CACNB2: variants seen among roughly 807,000 people sequenced by gnomAD.
CACNB2 encodes the protein calcium voltage-gated channel auxiliary subunit beta 2.
In CACNB2, 42 loss-of-function variants were observed where a neutral mutation model predicts 73.3. The observed-to-expected ratio is 0.57, with a 90% CI of 0.45 to 0.74. The LOEUF (loss-of-function observed/expected upper bound fraction) is 0.74, where lower values mean the gene tolerates loss of function less well. CACNB2 is among the 30% of genes least tolerant of loss of function. The pLI is 0.00. For missense variants in CACNB2, 940 were observed against 853.0 expected (o/e 1.10, Z -1.27); for synonymous variants, 348 against 310.3 (o/e 1.12, Z -1.28).
chr10:18,404,799 A>C (rs1480361472), intron 3 of CACNB2, among the ~76,000 whole-genome samples: 4 of 152,214 alleles, frequency 2.6e-5, no homozygotes. Context: ...TGACCTACAA[A>C]AGGTTATATA....
At chr10:18,391,895 T>G (rs1589224095) in intron 2 of CACNB2, among the ~76,000 whole-genome samples, 2 of 119,510 alleles carry the variant, frequency 1.7e-5, no homozygotes, top group Non-Finnish European at 3.2e-5. Flanking sequence ...GCCACTGCAC[T>G]CCAGCCTGAG....
At chr10:18,281,202 G>A (rs149958995) in intron 2 of CACNB2, among the ~76,000 whole-genome samples, 115 of 152,240 alleles carry the variant, frequency 7.6e-4, no homozygotes, top group African/African-American at 2.4e-3. Context: ...AGGATAAAGC[G>A]TGCCTCAAGC....
intron 2 of CACNB2, among the ~76,000 whole-genome samples, chr10:18,363,316 A>G (rs561458477): frequency 1.8e-3 from 271 of 152,252 alleles, no homozygotes; most frequent in African/African-American, 5.9e-3. Flanking sequence ...CATAACACCT[A>G]TGGTTTCTGT....
chr10:18,353,127 C>G (rs1165805516), intron 2 of CACNB2, among the ~76,000 whole-genome samples: 1 of 151,996 alleles, frequency 6.6e-6, no homozygotes, highest in Non-Finnish European at 1.5e-5. Flanking sequence ...ATTTATGGTT[C>G]TATGCCAGGT....
chr10:18,295,755 C>T (rs1277655903), intron 2 of CACNB2, among the ~76,000 whole-genome samples: 2 of 152,074 alleles, frequency 1.3e-5, no homozygotes, highest in Non-Finnish European at 2.9e-5. Flanking sequence ...ATACTCCTAG[C>T]AAATACATTA....
intron 3 of CACNB2, among the ~76,000 whole-genome samples, chr10:18,486,588 G>C (rs1262166047): frequency 6.6e-6 from 1 of 152,174 alleles, no homozygotes; most frequent in Non-Finnish European, 1.5e-5. Context: ...CGGCCAAAAA[G>C]CTGTCCACTA....
Position 18,506,537 on chromosome 10 carries a change from T to A in CACNB2, c.660T>A (p.Pro220=). 6.3e-7 allele frequency: 1 copy of A among 1,588,774 alleles called. No individual in the cohort carries two copies. The highest frequency in any genetic ancestry group is 8.6e-7 in the Non-Finnish European group (1 of 1,157,130). The change falls in exon 6 of 14, where the codon CCT becomes CCA. Residue 220 remains proline, a synonymous_variant. Coordinates refer to ENST00000324631, the MANE Select transcript of CACNB2 (RefSeq NM_201596.3). ...TACCTAGTTCCAGAAAATCAACACC[T>A]CCATCATCTGGTAAGTAGGTGATAA... is the stretch of plus-strand genomic sequence containing the variant. ...DIVPSSRKST[P]PSSAIDIDAT...
At chr10:18,305,896 A>G (rs572983778) in intron 2 of CACNB2, among the ~76,000 whole-genome samples, 1 of 152,232 alleles carries the variant, frequency 6.6e-6, no homozygotes, top group East Asian at 1.9e-4. Flanking sequence ...TGAGCCCAGG[A>G]GTTGGAGGCT....
At chr10:18,437,796 C>A (rs1481158591) in intron 3 of CACNB2, among the ~76,000 whole-genome samples, 3 of 152,016 alleles carry the variant, frequency 2.0e-5, no homozygotes, top group Non-Finnish European at 4.4e-5. Context: ...TCTATTTGGG[C>A]ATATATAGCA....
intron 2 of CACNB2, among the ~76,000 whole-genome samples, chr10:18,200,643 T>C (rs2131308504): frequency 6.6e-6 from 1 of 152,256 alleles, no homozygotes; most frequent in Non-Finnish European, 1.5e-5. Flanking sequence ...TAGTCTACCT[T>C]TTTCCCCGCG....
chr10:18,502,517 C>G (rs1381549799), intron 5 of CACNB2, among the ~76,000 whole-genome samples: 1 of 149,298 alleles, frequency 6.7e-6, no homozygotes, highest in Non-Finnish European at 1.5e-5. Context: ...TGTGAAACCC[C>G]GTCTCTACTA....
chr10:18,471,404 A>G (rs1452690411), intron 3 of CACNB2, among the ~76,000 whole-genome samples: 1 of 152,200 alleles, frequency 6.6e-6, no homozygotes, highest in Non-Finnish European at 1.5e-5. Flanking sequence ...ATTTGTTCAT[A>G]ATAAAGACTA....
chr10:18,439,696 C>G (rs890823734), intron 3 of CACNB2, among the ~76,000 whole-genome samples: 1 of 152,134 alleles, frequency 6.6e-6, no homozygotes, highest in African/African-American at 2.4e-5. Context: ...AGTTATAAAT[C>G]AGCTTAATTA....
rs562282992 is a variant in CACNB2 at position 18,246,465 on chromosome 10, A to T, written c.213+95490A>T. On this transcript the variant is annotated intron_variant, in intron 2 of 13. Transcript: ENST00000324631. ...CCTCTGTTACATAAATGAGGTAAAGATAGGCTCTGTGTATTGGTCCCCAGG... is the reference window on the plus strand; with the variant it reads ...CCTCTGTTACATAAATGAGGTAAAGTTAGGCTCTGTGTATTGGTCCCCAGG... Among the ~76,000 whole-genome samples the T allele has an allele frequency of 3.9e-5, 6 of 152,284 alleles. No individual in the cohort carries two copies. In the South Asian group the frequency reaches 1.2e-3, roughly 32 times the overall value.
intron 2 of CACNB2, among the ~76,000 whole-genome samples, chr10:18,247,582 A>G (rs12269200): frequency 0.11 from 16,703 of 152,166 alleles, 1,369 homozygotes; most frequent in African/African-American, 0.24. Flanking sequence ...CTGTGATTTT[A>G]GGCACATCTG....
chr10:18,244,258 G>A (rs1378300134), intron 2 of CACNB2, among the ~76,000 whole-genome samples: 1 of 152,236 alleles, frequency 6.6e-6, no homozygotes, highest in African/African-American at 2.4e-5. Flanking sequence ...AACCACAGAT[G>A]TCTGGTTTCT....
chr10:18,358,386 C>T (rs1031707718), intron 2 of CACNB2, among the ~76,000 whole-genome samples: 2 of 152,186 alleles, frequency 1.3e-5, no homozygotes, highest in Non-Finnish European at 2.9e-5. Flanking sequence ...CCATGCCTGG[C>T]CCATCTATTC....
At chr10:18,353,050 A>G (rs1486034438) in intron 2 of CACNB2, among the ~76,000 whole-genome samples, 1 of 152,240 alleles carries the variant, frequency 6.6e-6, no homozygotes, top group Non-Finnish European at 1.5e-5. Flanking sequence ...GAGAAATATG[A>G]TTGCTATACA....
intron 2 of CACNB2, among the ~76,000 whole-genome samples, chr10:18,312,654 A>G (rs2040006073): frequency 6.6e-6 from 1 of 152,160 alleles, no homozygotes; most frequent in Non-Finnish European, 1.5e-5. Context: ...TCAGATCCCT[A>G]ATCTGCTCTT....
Sources: gnomAD v4.1 joint callset for allele counts (sites outside exome capture counted in the v4.1 genomes callset) on GRCh38, gnomAD v4.1.1 for gene constraint, MANE v1.5 for transcripts, NCBI Gene and HGNC (gene_info 2026-07-23, HGNC 2026-07-21) for gene names.